PCDH15: variants seen among roughly 807,000 people sequenced by gnomAD.
PCDH15 encodes protocadherin related 15.
In PCDH15, 129 loss-of-function variants were observed where a neutral mutation model predicts 178.5. That is an observed-to-expected ratio of 0.72 (90% CI 0.63 to 0.84). The LOEUF (loss-of-function observed/expected upper bound fraction) is 0.84. Ranked by LOEUF, PCDH15 falls within the 40% of genes least tolerant of loss-of-function variation. The pLI, the probability that PCDH15 is intolerant of heterozygous loss-of-function variation, is 0.00. For synonymous variants in PCDH15, 800 were observed against 732.0 expected (o/e 1.09, Z -1.50); for missense variants, 2,230 against 2,099.9 (o/e 1.06, Z -1.21).
intron 8 of PCDH15, among the ~76,000 whole-genome samples, chr10:54,238,954 T>C (rs1591359823): frequency 6.6e-6 from 1 of 152,108 alleles, no homozygotes; most frequent in Non-Finnish European, 1.5e-5. Context: ...ACCGAGGCTC[T>C]ATTTGGATCC....
At chr10:55,240,952 C>T (rs145120405) in intron 1 of PCDH15, among the ~76,000 whole-genome samples, 3 of 152,278 alleles carry the variant, frequency 2.0e-5, no homozygotes, top group African/African-American at 7.2e-5. Flanking sequence ...CACGGTGGCT[C>T]AGGCCTGTAA....
intron 3 of PCDH15, among the ~76,000 whole-genome samples, chr10:54,808,046 CT>C (rs142207686): frequency 0.039 from 5,951 of 152,020 alleles, 342 homozygotes; most frequent in African/African-American, 0.13. Flanking sequence ...CGAGCACCTT[CT>C]TATACCAGAC....
intron 2 of PCDH15, among the ~76,000 whole-genome samples, chr10:55,337,505 A>G (rs1844426248): frequency 6.6e-6 from 1 of 152,216 alleles, no homozygotes; most frequent in Non-Finnish European, 1.5e-5. Context: ...AAATAATGAT[A>G]TGAAAGGAAT....
At chr10:54,758,985 G>A (rs893217654) in intron 1 of PCDH15, among the ~76,000 whole-genome samples, 6 of 151,746 alleles carry the variant, frequency 4.0e-5, no homozygotes, top group South Asian at 2.1e-4. Flanking sequence ...CTACTGACTC[G>A]CCTCTTATCT....
At chr10:55,165,835 A>G (rs1338021386) in intron 2 of PCDH15, among the ~76,000 whole-genome samples, 2 of 151,974 alleles carry the variant, frequency 1.3e-5, no homozygotes, top group African/African-American at 4.8e-5. Context: ...CTGAGTTTTT[A>G]TTTATAAATT....
At chr10:54,607,304 T>A (rs906482328) in intron 2 of PCDH15, among the ~76,000 whole-genome samples, 2 of 152,080 alleles carry the variant, frequency 1.3e-5, no homozygotes, top group African/African-American at 4.8e-5. Flanking sequence ...TGGTAAACAA[T>A]AATGTGATAT....
At chr10:54,232,915 G>A (rs987316357) in intron 9 of PCDH15, among the ~76,000 whole-genome samples, 1 of 135,290 alleles carries the variant, frequency 7.4e-6, no homozygotes, top group African/African-American at 3.1e-5. Flanking sequence ...GTGTTGTTTA[G>A]CTTTCTTTCT....
At chr10:53,958,978 C>CAAAAAAAAA (rs71004497) in intron 23 of PCDH15, among the ~76,000 whole-genome samples, 1 of 45,828 alleles carries the variant, frequency 2.2e-5, no homozygotes, top group Non-Finnish European at 3.7e-5. Flanking sequence ...GACTCCATCT[C>CAAAAAAAAA]AAAAAAAAAA....
intron 28 of PCDH15, among the ~76,000 whole-genome samples, chr10:53,841,365 G>C (rs578064621): frequency 6.6e-6 from 1 of 152,100 alleles, no homozygotes; most frequent in African/African-American, 2.4e-5. Context: ...TCTTTTCTGA[G>C]TCTATATTTT....
chr10:54,126,528 A>G (rs2042004060), intron 15 of PCDH15, among the ~76,000 whole-genome samples: 1 of 152,116 alleles, frequency 6.6e-6, no homozygotes, highest in African/African-American at 2.4e-5. Context: ...CTTGACAAGT[A>G]ATCCTGCTTG....
At chr10:54,116,552 T>C (rs968637288) in intron 15 of PCDH15, among the ~76,000 whole-genome samples, 15 of 152,148 alleles carry the variant, frequency 9.9e-5, no homozygotes, top group African/African-American at 3.6e-4. Flanking sequence ...CATAGGGAAA[T>C]TATGAAGCAA....
At chr10:54,283,206 C>T (rs1484784606) in intron 8 of PCDH15, among the ~76,000 whole-genome samples, 1 of 152,112 alleles carries the variant, frequency 6.6e-6, no homozygotes, top group Admixed American at 6.6e-5. Flanking sequence ...CAAAGCTGGA[C>T]TCTGCAGTAT....
chr10:55,203,551 G>T (rs1021840360), intron 1 of PCDH15, among the ~76,000 whole-genome samples: 3 of 151,988 alleles, frequency 2.0e-5, no homozygotes, highest in Admixed American at 1.3e-4. Context: ...AAAAAGGAAG[G>T]CTTCCTTGCT....
intron 2 of PCDH15, among the ~76,000 whole-genome samples, chr10:55,528,406 G>A (rs1020206329): frequency 6.6e-6 from 1 of 151,898 alleles, no homozygotes; most frequent in Non-Finnish European, 1.5e-5. Context: ...GCCCCAGTGT[G>A]TGATGTTCCC....
chr10:53,815,887 T>C (rs2076044359), intron 35 of PCDH15, among the ~76,000 whole-genome samples: 1 of 152,158 alleles, frequency 6.6e-6, no homozygotes, highest in Non-Finnish European at 1.5e-5. Flanking sequence ...CTTTGCATAA[T>C]CTAAATCTGA....
intron 2 of PCDH15, among the ~76,000 whole-genome samples, chr10:55,600,768 T>C (rs1480127977): frequency 1.3e-5 from 2 of 152,160 alleles, no homozygotes; most frequent in Non-Finnish European, 2.9e-5. Context: ...AATATGCTAT[T>C]GGTTACTGAG....
chr10:55,348,407 CAACAATAAT>C (rs60553980), intron 2 of PCDH15, among the ~76,000 whole-genome samples: 2,265 of 151,758 alleles, frequency 0.015, 49 homozygotes, highest in African/African-American at 0.052. Flanking sequence ...TCATTCATTC[CAACAATAAT>C]AACAATAATA....
At position 55,179,552 on chromosome 10, in the gene PCDH15, C is replaced by G. The variant is rs555943477; in HGVS notation, c.-155-12901G>C. Among the ~76,000 whole-genome samples, 17 of 114,560 alleles carry G rather than the reference C, an allele frequency of 1.5e-4. No individual in the cohort carries two copies. In the South Asian group the frequency reaches 4.3e-3, roughly 29 times the overall value. The allele number at this position is 114,560 out of a possible 152,430, so 75.2% of individuals were successfully genotyped here. A position where few individuals can be genotyped will look rare whatever the true frequency, so the allele number is the denominator to read the frequency against. ...ATGGACAATTCAGCACACACTCCCC[C>G]CCATTCTAAGCCCATAGAAACCTGG... is the stretch of plus-strand genomic sequence containing the variant. On this transcript the variant is annotated intron_variant, in intron 1 of 5. Transcript: ENST00000458638.
rs114117729 is a variant in PCDH15 at position 55,099,814 on chromosome 10, C to T, written c.-80+66762G>A. On this transcript the variant is annotated intron_variant, in intron 2 of 5. Coordinates refer to the PCDH15 transcript ENST00000458638. ...AAAGACAGATGACTATTATTTTTAA[C>T]TTTCTTATTATCAGCTTTCTTCATT... 3.3e-3 allele frequency among the ~76,000 whole-genome samples: 498 copies of T among 152,076 alleles called. 2 individuals are homozygous for T. The highest frequency in any genetic ancestry group is 0.011 in the African/African-American group (443 of 41,508).
Sources: gnomAD v4.1 joint callset for allele counts (sites outside exome capture counted in the v4.1 genomes callset) on GRCh38, gnomAD v4.1.1 for gene constraint, MANE v1.5 for transcripts, NCBI Gene and HGNC (gene_info 2026-07-23, HGNC 2026-07-21) for gene names.